Variants in TULP4 observed in about 807,000 individuals in gnomAD.
TULP4 encodes the protein tubby-related protein 4.
A neutral mutation model predicts 129.0 loss-of-function variants in TULP4; 16 were observed. The observed-to-expected ratio is 0.12, with a 90% CI of 0.08 to 0.19. The LOEUF is 0.19. Among genes scored for constraint, TULP4 ranks in the 10% least tolerant of loss-of-function variants. The probability of loss-of-function intolerance (pLI) is 1.00; values close to 1 mark genes in which losing one functional copy is unlikely to be tolerated. For synonymous variants in TULP4, 998 were observed against 854.0 expected (o/e 1.17, Z -2.94); for missense variants, 1,842 against 2,059.1 (o/e 0.89, Z 2.04).
rs74896587 is a variant in TULP4, at chr6:158,254,564, T to C, written n.68+22261T>C. On this transcript the variant is annotated intron_variant and non_coding_transcript_variant, in intron 1 of 1. Coordinates refer to the TULP4 transcript ENST00000620026. ...TTGAATGGTTTGTGACTTTTTCCACTGTAAGTGATAATCATTGCTTACTTA... is the reference window on the plus strand; with the variant it reads ...TTGAATGGTTTGTGACTTTTTCCACCGTAAGTGATAATCATTGCTTACTTA... Among the ~76,000 whole-genome samples, 141 of 152,388 alleles carry C rather than the reference T, an allele frequency of 9.3e-4. 4 individuals carry two copies. In the East Asian group the frequency reaches 0.024, roughly 26 times the overall value.
intron 1 of TULP4, among the ~76,000 whole-genome samples, chr6:158,333,702 T>C (rs1779967083): frequency 6.6e-6 from 1 of 152,196 alleles, no homozygotes; most frequent in Non-Finnish European, 1.5e-5. Context: ...ATGAGCTGCA[T>C]AGCCTAGAAA....
Position 158,493,524 on chromosome 6 carries a change from C to T in TULP4, c.1632-49C>T, listed in dbSNP as rs141535595. 48 of 1,427,976 alleles carry T rather than the reference C, an allele frequency of 3.4e-5. No homozygotes were observed. The East Asian group carries it at 1.1e-3, about 32-fold the overall frequency. 88.5% of individuals were successfully genotyped at this position (1,427,976 alleles called of 1,614,324 possible). On this transcript the variant is annotated intron_variant, in intron 9 of 13. Transcript: ENST00000367097. The surrounding 1 kb of genome is among the most constrained non-coding windows in gnomAD (Gnocchi z 4.4). ...GGACTGCTGGAGTCAGGGCCATGCT[C>T]ACCATTCCCGCCACGGATGCCTGAC...
At chr6:158,433,177 G>A (rs191568021) in intron 3 of TULP4, among the ~76,000 whole-genome samples, 1 of 152,188 alleles carries the variant, frequency 6.6e-6, no homozygotes, top group Non-Finnish European at 1.5e-5. Context: ...CATGAGGTCA[G>A]TGTGGCCACC....
In TULP4 at chr6:158,479,789, G is replaced by A. The variant is rs200699760; in HGVS notation, c.1065G>A (p.Ser355=). The change falls in exon 7 of 14, where the codon TCG becomes TCA. Residue 355 remains serine, a synonymous_variant. Coordinates refer to ENST00000367097, the MANE Select transcript of TULP4 (RefSeq NM_020245.5). ...CCATCTGCTGGGGTCACCGGGATTC[G>A]AGGCTGTTGATGGCATCAGGACCAG... The part of the protein sequence containing the change: ...IISICWGHRD[S]RLLMASGPAL... The A allele has an allele frequency of 3.2e-5, 52 of 1,613,856 alleles. No individual in the cohort carries two copies. The highest frequency in any genetic ancestry group is 8.9e-5 in the East Asian group (4 of 44,886).
intron 5 of TULP4, among the ~76,000 whole-genome samples, chr6:158,457,145 C>G (rs1044348755): frequency 1.3e-5 from 2 of 152,098 alleles, no homozygotes; most frequent in African/African-American, 4.8e-5. Context: ...AGCCACTTGT[C>G]TCATAGAGGA....
At chr6:158,395,962 A>T (rs1024081138) in intron 1 of TULP4, among the ~76,000 whole-genome samples, 2 of 152,046 alleles carry the variant, frequency 1.3e-5, no homozygotes, top group African/African-American at 4.8e-5. Flanking sequence ...TACGATGTCG[A>T]GTGAGTTAGT....
chr6:158,366,535 G>A (rs572958346), intron 1 of TULP4, among the ~76,000 whole-genome samples: 71 of 152,248 alleles, frequency 4.7e-4, no homozygotes, highest in Middle Eastern at 3.4e-3. Flanking sequence ...CAGTGGTTTC[G>A]TGCTGCGTCA....
At chr6:158,469,354 A>T (rs1289061941) in intron 6 of TULP4, among the ~76,000 whole-genome samples, 1 of 151,334 alleles carries the variant, frequency 6.6e-6, no homozygotes, top group Non-Finnish European at 1.5e-5. Context: ...GCTCACTGCA[A>T]CCTCCACCTC....
intron 1 of TULP4, among the ~76,000 whole-genome samples, chr6:158,318,795 C>T (rs1294078864): frequency 2.6e-5 from 4 of 152,054 alleles, no homozygotes; most frequent in African/African-American, 7.2e-5. Flanking sequence ...GCACAATCAC[C>T]GCTCACCGTA....
chr6:158,245,916 C>G (rs981737412), intron 1 of TULP4, among the ~76,000 whole-genome samples: 3 of 152,096 alleles, frequency 2.0e-5, no homozygotes, highest in African/African-American at 7.2e-5. Flanking sequence ...GTTTAGGTAA[C>G]CATGGTCTCA....
At chr6:158,442,269 A>G (rs1778913932) in intron 3 of TULP4, among the ~76,000 whole-genome samples, 1 of 152,108 alleles carries the variant, frequency 6.6e-6, no homozygotes, top group African/African-American at 2.4e-5. Flanking sequence ...GGAAGAAATT[A>G]CTATTTTCAT....
intron 1 of TULP4, among the ~76,000 whole-genome samples, chr6:158,377,890 T>C (rs895122004): frequency 4.6e-5 from 7 of 152,206 alleles, no homozygotes; most frequent in Non-Finnish European, 7.3e-5. Flanking sequence ...TTTATTTAGC[T>C]CAGGATTCCG....
intron 1 of TULP4, among the ~76,000 whole-genome samples, chr6:158,258,722 G>A (rs1778294145): frequency 6.6e-6 from 1 of 152,176 alleles, no homozygotes; most frequent in African/African-American, 2.4e-5. Context: ...CATCACCAGT[G>A]CTAACAAAAA....
chr6:158,488,751 C>G (rs1247759830), intron 8 of TULP4, among the ~76,000 whole-genome samples: 1 of 149,322 alleles, frequency 6.7e-6, no homozygotes, highest in Non-Finnish European at 1.5e-5. Flanking sequence ...ACAAAGTAAT[C>G]TGGAAGAATG....
chr6:158,309,888 G>A (rs1347645774), upstream of TULP4, among the ~76,000 whole-genome samples: 16 of 137,050 alleles, frequency 1.2e-4, no homozygotes, highest in Middle Eastern at 3.9e-3. Flanking sequence ...GGGAAGAGAG[G>A]GAGAGGGAGA....
intron 1 of TULP4, among the ~76,000 whole-genome samples, chr6:158,251,109 A>T (rs990574896): frequency 2.0e-4 from 30 of 152,312 alleles, no homozygotes; most frequent in African/African-American, 7.0e-4. Context: ...GAGCCCTGAG[A>T]AGTTAAGATT....
chr6:158,453,066 T>G (rs965474693), intron 5 of TULP4, among the ~76,000 whole-genome samples: 3 of 152,138 alleles, frequency 2.0e-5, no homozygotes, highest in Non-Finnish European at 4.4e-5. Context: ...AGCCAGGAAC[T>G]TTGGTGTAAC....
chr6:158,468,252 A>G (rs1779597423), intron 6 of TULP4, among the ~76,000 whole-genome samples: 1 of 152,238 alleles, frequency 6.6e-6, no homozygotes, highest in Non-Finnish European at 1.5e-5. Context: ...TTAAGATTAT[A>G]TGAGTAAACA....
chr6:158,332,200 A>AATATATATATATATATATATATATATAT (rs776893885), intron 1 of TULP4, among the ~76,000 whole-genome samples: 2 of 18,034 alleles, frequency 1.1e-4, no homozygotes, highest in Non-Finnish European at 1.0e-4. Context: ...AAAAAAAAAA[A>AATATATATATATATATATATATATATAT]ATATATATAT....
Sources: allele counts gnomAD v4.1 joint callset (sites outside exome capture counted in the v4.1 genomes callset), GRCh38; gene constraint gnomAD v4.1.1; non-coding constraint Gnocchi (gnomAD v3.1); transcripts MANE v1.5; gene names NCBI Gene and HGNC (gene_info 2026-07-23, HGNC 2026-07-21).